The following NAP1L1 variants were observed in gnomAD, a reference collection of about 807,000 sequenced individuals.
The protein encoded by NAP1L1 is nucleosome assembly protein 1-like 1.
Under a neutral mutation model 58.9 loss-of-function variants are expected in NAP1L1, and 9 were observed. The observed-to-expected ratio is 0.15, with a 90% CI of 0.09 to 0.27. NAP1L1 has a LOEUF of 0.27. Ranked by LOEUF, NAP1L1 falls within the 10% of genes least tolerant of loss-of-function variation. The pLI, the probability that NAP1L1 is intolerant of heterozygous loss-of-function variation, is 1.00. For synonymous variants in NAP1L1, 130 were observed against 138.3 expected (o/e 0.94, Z 0.42); for missense variants, 302 against 458.8 (o/e 0.66, Z 3.12).
In NAP1L1 at chr12:76,049,094, C is replaced by T. The variant is rs1014997197; in HGVS notation, c.1140+106G>A. 3 of 1,134,550 alleles carry T rather than the reference C, an allele frequency of 2.6e-6. No individual in the cohort carries two copies. The African/African-American group carries it at 4.6e-5, about 18-fold the overall frequency. The allele number at this position is 1,134,550 out of a possible 1,614,324, so 70.3% of individuals were successfully genotyped here. A position where few individuals can be genotyped will look rare whatever the true frequency, so the allele number is the denominator to read the frequency against. On this transcript the variant is annotated intron_variant, in intron 14 of 14. Coordinates refer to ENST00000618691, the MANE Select transcript of NAP1L1 (RefSeq NM_004537.7). ...AAAACAAAGTTATCCAGTCAATAGGCTTTATTTATTAAAGACTTTAACGGA... is the reference window on the plus strand; with the variant it reads ...AAAACAAAGTTATCCAGTCAATAGGTTTTATTTATTAAAGACTTTAACGGA...
chr12:76,043,353 A>C lies in NAP1L1; in HGVS notation c.*5076T>G, dbSNP rs1421096204. ...AAACCAGCCTGGCCAACATGGTGAA[A>C]CACCTCTCAACAAATGTAAAAATTA... is the stretch of plus-strand genomic sequence containing the variant. On this transcript the variant is annotated 3_prime_UTR_variant, in exon 15 of 15. Coordinates refer to ENST00000618691, the MANE Select transcript of NAP1L1 (RefSeq NM_004537.7). The C allele has an allele frequency of 2.6e-5, 4 of 151,976 alleles. No homozygotes were observed. The highest frequency in any genetic ancestry group is 2.6e-4 in the Admixed American group (4 of 15,242). 9.4% of individuals were successfully genotyped at this position (151,976 alleles called of 1,614,324 possible).
chr12:76,081,744 T>C (rs993851119), intron 1 of NAP1L1, among the ~76,000 whole-genome samples: 3 of 152,228 alleles, frequency 2.0e-5, no homozygotes, highest in South Asian at 2.1e-4. Context: ...TCTGTAGTCA[T>C]TGTGCTAAAC....
intron 6 of NAP1L1, chr12:76,059,477 A>AATGCTCCATCAG (rs1361615288): frequency 3.8e-6 from 1 of 262,322 alleles, no homozygotes; most frequent in Non-Finnish European, 7.1e-6. Context: ...TGACAGTTTT[A>AATGCTCCATCAG]ATGCTCCATC....
Position 76,044,736 on chromosome 12 carries a change from A to C in NAP1L1, c.*3693T>G, listed in dbSNP as rs1343390902. The C allele has an allele frequency of 6.6e-6, 1 of 152,220 alleles. No homozygotes were observed. Among genetic ancestry groups the C allele is most frequent in the African/African-American group, 2.4e-5 (1 of 41,466 alleles). The allele number at this position is 152,220 out of a possible 1,614,324, so 9.4% of individuals were successfully genotyped here. A position where few individuals can be genotyped will look rare whatever the true frequency, so the allele number is the denominator to read the frequency against. ...TGACAATATGATGTCAAAAGGAAGA[A>C]ACACAAGATACAAAGCATACTGTAT... is the stretch of plus-strand genomic sequence containing the variant. On this transcript the variant is annotated 3_prime_UTR_variant, in exon 15 of 15. Coordinates refer to ENST00000618691, the MANE Select transcript of NAP1L1 (RefSeq NM_004537.7).
chr12:76,077,211 T>A (rs1950213218), intron 1 of NAP1L1, among the ~76,000 whole-genome samples: 1 of 152,196 alleles, frequency 6.6e-6, no homozygotes, highest in African/African-American at 2.4e-5. Context: ...GTAAAGAGGA[T>A]CCAAGACAGA....
chr12:76,056,283 G>A (rs1056038344), intron 6 of NAP1L1, 122 bp from the exon 7 acceptor site: 22 of 983,820 alleles, frequency 2.2e-5, no homozygotes, highest in Non-Finnish European at 3.2e-5. Context: ...TAGTCTATCT[G>A]TGTAAACACC....
intron 1 of NAP1L1, chr12:76,083,942 T>A (rs1369309840): frequency 6.6e-6 from 1 of 152,210 alleles, no homozygotes; most frequent in Non-Finnish European, 1.5e-5. Flanking sequence ...TTACCACGTG[T>A]GGAGCGAAGC....
At chr12:76,050,715 C>A in intron 11 of NAP1L1, 62 bp from the exon 12 acceptor site, 1 of 1,547,602 alleles carries the variant, frequency 6.5e-7, no homozygotes, top group Non-Finnish European at 8.7e-7. Flanking sequence ...TAATTTGGCA[C>A]ATGTAAGACT....
At position 76,072,245 on chromosome 12, in the gene NAP1L1, A is replaced by G. The variant is rs976483921; in HGVS notation, c.17+1958T>C. Among the ~76,000 whole-genome samples, 11 of 151,120 alleles carry G rather than the reference A, an allele frequency of 7.3e-5. No homozygotes were observed. In the Admixed American group the frequency reaches 7.3e-4, roughly 10 times the overall value. The stretch of plus-strand genomic sequence containing the variant: ...AGAGCAAATGGACTATAAAGATGGA[A>G]GAAACATCCAGAGAAAAGACATTAT... On this transcript the variant is annotated intron_variant, in intron 2 of 14. Coordinates refer to ENST00000618691, the MANE Select transcript of NAP1L1 (RefSeq NM_004537.7).
At chr12:76,073,291 T>C (rs1950043180) in intron 2 of NAP1L1, among the ~76,000 whole-genome samples, 3 of 152,034 alleles carry the variant, frequency 2.0e-5, no homozygotes, top group Admixed American at 2.0e-4. Flanking sequence ...CTATGGAAAA[T>C]AATTTAGCAT....
At chr12:76,082,459 G>GC (rs1330753895) in intron 1 of NAP1L1, among the ~76,000 whole-genome samples, 1 of 152,134 alleles carries the variant, frequency 6.6e-6, no homozygotes, top group Non-Finnish European at 1.5e-5. Flanking sequence ...ATAAAAATAG[G>GC]CACTTTGTAG....
chr12:76,056,921 G>A (rs897041325), intron 6 of NAP1L1: 6 of 264,872 alleles, frequency 2.3e-5, no homozygotes, highest in Non-Finnish European at 4.6e-5. Flanking sequence ...GGAGGCAGAA[G>A]AATTGCTTGA....
At chr12:76,049,836 A>G in intron 12 of NAP1L1, 51 bp from the exon 13 acceptor site, 1 of 1,592,934 alleles carries the variant, frequency 6.3e-7, no homozygotes, top group Non-Finnish European at 8.6e-7. Flanking sequence ...CACACATTTC[A>G]GAGTAGCATC....
chr12:76,060,256 C>T lies in NAP1L1; in HGVS notation c.230G>A (p.Arg77Gln). Residue 77 changes from arginine (R) to glutamine (Q), a missense_variant, in exon 5 of 15, where the codon CGA becomes CAA. Transcript: ENST00000618691. ...TTGCAGGTTTTTGAGAGCATTCACT[C>T]GTCTTTTAACTACCCTAGGCAGGCT... ...IESLPRVVKR[R>Q]VNALKNLQVK... 1 of 1,613,864 alleles carries T rather than the reference C, an allele frequency of 6.2e-7. No individual in the cohort carries two copies. Among genetic ancestry groups the T allele is most frequent in the Non-Finnish European group, 8.5e-7 (1 of 1,179,894 alleles).
Position 76,042,075 on chromosome 12 carries a change from C to T in NAP1L1, c.*6354G>A, listed in dbSNP as rs1265182918. 1.3e-5 allele frequency: 2 copies of T among 151,896 alleles called. No homozygotes were observed. Among genetic ancestry groups the T allele is most frequent in the Non-Finnish European group, 2.9e-5 (2 of 67,986 alleles). 9.4% of individuals were successfully genotyped at this position (151,896 alleles called of 1,614,324 possible). On this transcript the variant is annotated 3_prime_UTR_variant, in exon 15 of 15. Coordinates refer to ENST00000618691, the MANE Select transcript of NAP1L1 (RefSeq NM_004537.7). ...GTCAATTTTTTTTTTGTTTTTTACA[C>T]ATAAAATCTTCAAAACGAGGCATAT...
chr12:76,060,660 G>A (rs1034975162), intron 4 of NAP1L1, among the ~76,000 whole-genome samples: 1 of 152,074 alleles, frequency 6.6e-6, no homozygotes, highest in Non-Finnish European at 1.5e-5. Flanking sequence ...AAAAGGAGGG[G>A]AGCATAGACA....
Position 76,049,206 on chromosome 12 carries a change from G to T in NAP1L1, c.1134C>A (p.Asp378Glu). 6.2e-7 allele frequency: 1 copy of T among 1,613,306 alleles called. No homozygotes were observed. Among genetic ancestry groups the T allele is most frequent in the Non-Finnish European group, 8.5e-7 (1 of 1,179,580 alleles). Residue 378 changes from aspartate to glutamate, a missense_variant, in exon 14 of 15, where the codon GAC (aspartate) becomes GAA (glutamate). Coordinates refer to ENST00000618691, the MANE Select transcript of NAP1L1 (RefSeq NM_004537.7). ...CAGCACTAATTTTGCTCACCTTTGG[G>T]TCATAGTCTGGATCATTTTCCTCAT... Reference protein sequence around the residue: ...EGDEENDPDYDPKKDQNPAEC... With the variant: ...EGDEENDPDYEPKKDQNPAEC...
chr12:76,058,115 AG>A, intron 6 of NAP1L1: 1 of 728,644 alleles, frequency 1.4e-6, no homozygotes, highest in South Asian at 1.4e-5. Context: ...AAGATCTTGG[AG>A]AAGAAGTGAA....
intron 2 of NAP1L1, among the ~76,000 whole-genome samples, chr12:76,073,036 T>C (rs982440767): frequency 1.3e-5 from 2 of 151,462 alleles, no homozygotes; most frequent in Non-Finnish European, 2.9e-5. Flanking sequence ...GGTTAAGCAA[T>C]CCAAATTAGA....
Sources: gnomAD v4.1 joint callset for allele counts (sites outside exome capture counted in the v4.1 genomes callset) on GRCh38, gnomAD v4.1.1 for gene constraint, MANE v1.5 for transcripts, NCBI Gene and HGNC (gene_info 2026-07-23, HGNC 2026-07-21) for gene names.